Variants in VPS13C observed in about 807,000 individuals in gnomAD.
VPS13C encodes the protein vacuolar protein sorting 13 homolog C.
A neutral mutation model predicts 456.8 loss-of-function variants in VPS13C; 358 were observed. The ratio of observed to expected loss-of-function variants is 0.78; its 90% CI spans 0.72 to 0.86. The LOEUF is 0.86. VPS13C is among the 40% of genes least tolerant of loss of function. The probability of loss-of-function intolerance (pLI) is 0.00; values close to 1 mark genes in which losing one functional copy is unlikely to be tolerated. For synonymous variants in VPS13C, 1,578 were observed against 1,486.7 expected (o/e 1.06, Z -1.41); for missense variants, 4,818 against 4,385.4 (o/e 1.10, Z -2.79).
intron 25 of VPS13C, 104 bp downstream of exon 25, chr15:61,974,184 G>T (rs948156608): frequency 2.6e-6 from 3 of 1,146,180 alleles, no homozygotes; most frequent in African/African-American, 1.6e-5. Flanking sequence ...TTTCATTTCT[G>T]TACTTTTGGT....
chr15:61,966,968 T>C (rs554448003), intron 29 of VPS13C, among the ~76,000 whole-genome samples: 5 of 152,112 alleles, frequency 3.3e-5, no homozygotes, highest in Middle Eastern at 3.4e-3. Flanking sequence ...GTGTTTCTCA[T>C]ACGAAATATT....
chr15:61,978,452 T>G (rs922992870), intron 23 of VPS13C, among the ~76,000 whole-genome samples, 174 bp downstream of exon 23: 1 of 152,196 alleles, frequency 6.6e-6, no homozygotes, highest in Non-Finnish European at 1.5e-5. Context: ...TTTCTATTTA[T>G]AAATGTTGTA....
rs1415338111 is a variant in VPS13C, at chr15:61,918,172, G to C, written c.7724C>G (p.Pro2575Arg). 6.2e-7 allele frequency: 1 copy of C among 1,600,336 alleles called. No homozygotes were observed. Among genetic ancestry groups the C allele is most frequent in the South Asian group, 1.1e-5 (1 of 87,910 alleles). ...KLLERIGIARPEEEFHVPLDS... is the reference protein window; with the variant it reads ...KLLERIGIARREEEFHVPLDS... ...TAAAGGAACATGGAACTCCTCTTCA[G>C]GTCTGGCTATCCCAATGCGCTCCAA... is the stretch of plus-strand genomic sequence containing the variant. The change falls in exon 59 of 85, where the codon CCT becomes CGT. Residue 2575 changes from proline (P) to arginine (R), a missense_variant. Around this residue, in one of 3 missense-constraint regions of VPS13C, gnomAD observed 4,552 missense variants for 4,130.6 expected, o/e 1.10. Coordinates refer to ENST00000644861, the MANE Select transcript of VPS13C (RefSeq NM_020821.3).
chr15:61,973,841 CT>C (rs2045626041), intron 25 of VPS13C, among the ~76,000 whole-genome samples: 1 of 152,026 alleles, frequency 6.6e-6, no homozygotes, highest in Admixed American at 6.6e-5. Context: ...TAAAGTACAT[CT>C]TTTTTATAGG....
At chr15:62,010,284 T>C (rs1019875977) in intron 13 of VPS13C, among the ~76,000 whole-genome samples, 188 bp downstream of exon 13, 4 of 152,182 alleles carry the variant, frequency 2.6e-5, no homozygotes, top group Non-Finnish European at 4.4e-5. Flanking sequence ...TAGGAAAAGA[T>C]GAAATAAAAT....
At chr15:62,001,889 G>A (rs938747870) in intron 15 of VPS13C, among the ~76,000 whole-genome samples, 38 of 152,172 alleles carry the variant, frequency 2.5e-4, no homozygotes, top group African/African-American at 9.2e-4. Context: ...TGGTGTATAT[G>A]TGCCACATTT....
chr15:61,984,896 C>T lies in VPS13C; in HGVS notation c.1682G>A (p.Gly561Asp). 4 of 1,612,984 alleles carry T rather than the reference C, an allele frequency of 2.5e-6. No individual in the cohort carries two copies. ...EILKIQIIGL[G>D]TQVSQRPGAQ... is the part of the protein sequence containing the mutation. Reference sequence around the variant, plus strand: ...TCCTGGTCGCTGAGATACTTGAGTGCCCAGGCCAATTATCTGAATTTTTAG... The same window carrying T: ...TCCTGGTCGCTGAGATACTTGAGTGTCCAGGCCAATTATCTGAATTTTTAG... Residue 561 changes from glycine to aspartate, a missense_variant, in exon 19 of 85, where the codon GGC becomes GAC. Gly to Asp is a moderately conservative substitution (Grantham distance 94). Coordinates refer to ENST00000644861, the MANE Select transcript of VPS13C (RefSeq NM_020821.3).
At chr15:61,878,866 T>A in intron 73 of VPS13C, 120 bp from the exon 74 acceptor site, 1 of 1,000,428 alleles carries the variant, frequency 1.0e-6, no homozygotes, top group Non-Finnish European at 1.4e-6. Flanking sequence ...TAGTGAAAGC[T>A]ATTATTTGAT....
intron 9 of VPS13C, among the ~76,000 whole-genome samples, chr15:62,014,596 T>A (rs1162740829): frequency 5.9e-5 from 9 of 152,086 alleles, no homozygotes; most frequent in Non-Finnish European, 1.0e-4. Flanking sequence ...ATAAATGGTA[T>A]GGATACAAAA....
chr15:61,921,804 T>G (rs192547102), intron 55 of VPS13C, 143 bp downstream of exon 55: 2 of 685,132 alleles, frequency 2.9e-6, no homozygotes, highest in Admixed American at 6.0e-5. Flanking sequence ...AAATGACATA[T>G]GAAAAGAGTT....
At position 61,949,536 on chromosome 15, in the gene VPS13C, A is replaced by G. The variant is rs2044715489; in HGVS notation, c.4666T>C (p.Ser1556Pro). 1 of 1,613,102 alleles carries G rather than the reference A, an allele frequency of 6.2e-7. No individual in the cohort carries two copies. The highest frequency in any genetic ancestry group is 8.5e-7 in the Non-Finnish European group (1 of 1,179,806). ...ALLSFMDFLS[S>P]AAPFSEPSSS... Reference sequence around the variant, plus strand: ...GAAGGCTCAGAGAATGGAGCAGCAGATGATAAAAAATCCATGAAGGAAAGT... The same window carrying G: ...GAAGGCTCAGAGAATGGAGCAGCAGGTGATAAAAAATCCATGAAGGAAAGT... The change falls in exon 42 of 85, where the codon TCT becomes CCT. Residue 1556 changes from serine (S) to proline (P), a missense_variant. Around this residue, in one of 3 missense-constraint regions of VPS13C, gnomAD observed 4,552 missense variants for 4,130.6 expected, o/e 1.10. Coordinates refer to ENST00000644861, the MANE Select transcript of VPS13C (RefSeq NM_020821.3).
intron 59 of VPS13C, 60 bp downstream of exon 59, chr15:61,918,076 C>A: frequency 6.7e-7 from 1 of 1,490,604 alleles, no homozygotes; most frequent in Non-Finnish European, 9.0e-7. Context: ...AAGTTATTTG[C>A]CAGAATATAA....
chr15:61,866,288 A>C (rs1485246080), intron 81 of VPS13C: 43 of 983,492 alleles, frequency 4.4e-5, no homozygotes, highest in Non-Finnish European at 5.1e-5. Context: ...AAGTTGTCTG[A>C]TATCTTAATA....
chr15:61,862,082 G>A (rs1352981610), intron 82 of VPS13C, among the ~76,000 whole-genome samples: 1 of 151,662 alleles, frequency 6.6e-6, no homozygotes, highest in Non-Finnish European at 1.5e-5. Flanking sequence ...CCTGGGTGAC[G>A]GAGTGAGACC....
chr15:61,941,852 G>C lies in VPS13C; in HGVS notation c.5364C>G (p.Asn1788Lys), dbSNP rs372806749. ...IADLGLIRVE[N>K]KFSLVPMEHY... ...GTTCCATAGGAACCAAGCTAAACTTGTTTTCAACTCTGATTAAACCCAGAT... is the reference window on the plus strand; with the variant it reads ...GTTCCATAGGAACCAAGCTAAACTTCTTTTCAACTCTGATTAAACCCAGAT... Residue 1788 changes from asparagine (N) to lysine (K), a missense_variant, in exon 46 of 85, where the codon AAC (asparagine) becomes AAG (lysine). By Grantham distance (94) the Asn-to-Lys change is moderately conservative. This residue lies in a region of VPS13C where 4,552 missense variants were observed against 4,130.6 expected (regional missense o/e 1.10). Coordinates refer to ENST00000644861, the MANE Select transcript of VPS13C (RefSeq NM_020821.3). 6.2e-7 allele frequency: 1 copy of C among 1,613,924 alleles called. No homozygotes were observed.
At chr15:61,909,802 T>G (rs965889725) in intron 64 of VPS13C, among the ~76,000 whole-genome samples, 2 of 152,112 alleles carry the variant, frequency 1.3e-5, no homozygotes, top group Admixed American at 6.6e-5. Flanking sequence ...TGTTGCACAT[T>G]TGAGTTGGTT....
chr15:62,012,950 G>T, intron 11 of VPS13C, 89 bp downstream of exon 11: 1 of 747,830 alleles, frequency 1.3e-6, no homozygotes, highest in Admixed American at 2.8e-5. Context: ...ACAAATGGCT[G>T]ATATCCTGTC....
At chr15:62,012,277 A>C (rs1482409198) in intron 11 of VPS13C, 113 bp from the exon 12 acceptor site, 3 of 572,348 alleles carry the variant, frequency 5.2e-6, no homozygotes, top group Non-Finnish European at 9.2e-6. Context: ...TTCTTCATCA[A>C]TATCTTTGCT....
rs1229195309 is a variant in VPS13C, at chr15:61,921,962, C to G, written c.7047G>C (p.Trp2349Cys). 6.2e-7 allele frequency: 1 copy of G among 1,613,408 alleles called. No homozygotes were observed. Among genetic ancestry groups the G allele is most frequent in the Non-Finnish European group, 8.5e-7 (1 of 1,179,528 alleles). The stretch of plus-strand genomic sequence containing the variant: ...ATTTCCTTACATCAAGCCTTAAATT[C>G]CATTGTCTCTTCCCCTCCACTCTCT... ...LIERVEGKRQ[W>C]NLRLDVKKNP... The change falls in exon 55 of 85, where the codon TGG becomes TGC. Residue 2349 changes from tryptophan to cysteine, a missense_variant. This residue lies in a region of VPS13C where 4,552 missense variants were observed against 4,130.6 expected (regional missense o/e 1.10). Transcript: ENST00000644861.
Sources: gnomAD v4.1 joint callset for allele counts (sites outside exome capture counted in the v4.1 genomes callset) on GRCh38, gnomAD v4.1.1 for gene constraint, gnomAD v4.1.1 regional missense constraint, MANE v1.5 for transcripts, NCBI Gene and HGNC (gene_info 2026-07-23, HGNC 2026-07-21) for gene names.